ADD3: variants seen among roughly 807,000 people sequenced by gnomAD.
The protein encoded by ADD3 is gamma-adducin.
Under a neutral mutation model 80.2 loss-of-function variants are expected in ADD3, and 25 were observed. That is an observed-to-expected ratio of 0.31 (90% CI 0.23 to 0.44). The LOEUF is 0.44. Ranked by LOEUF, ADD3 falls within the 20% of genes least tolerant of loss-of-function variation. The pLI is 1.00. For synonymous variants in ADD3, 284 were observed against 289.6 expected (o/e 0.98, Z 0.20); for missense variants, 829 against 847.5 (o/e 0.98, Z 0.27).
upstream of ADD3, among the ~76,000 whole-genome samples, chr10:110,001,580 T>C (rs1486654349): frequency 6.6e-6 from 1 of 152,192 alleles, no homozygotes; most frequent in East Asian, 1.9e-4. Flanking sequence ...GTCTACACAG[T>C]GCATTGTTTC....
rs1249987737 is a variant in ADD3, at chr10:110,134,425, AT to A, written c.*808del. 1 of 152,596 alleles carries A rather than the reference AT, an allele frequency of 6.6e-6. No homozygotes were observed. The highest frequency in any genetic ancestry group is 1.5e-5 in the Non-Finnish European group (1 of 68,022). The allele number at this position is 152,596 out of a possible 1,614,324, so 9.5% of individuals were successfully genotyped here. ...TTAGCCAATCTTTTCACAGTAGAGCATACTTAAGGCTGCTTGGTACTGAGTA... is the reference window on the plus strand; with the variant it reads ...TTAGCCAATCTTTTCACAGTAGAGCAACTTAAGGCTGCTTGGTACTGAGTA... On this transcript the variant is annotated 3_prime_UTR_variant, in exon 15 of 15. Coordinates refer to ENST00000356080, the MANE Select transcript of ADD3 (RefSeq NM_016824.5).
At chr10:110,012,959 A>G (rs942713056) in intron 1 of ADD3, among the ~76,000 whole-genome samples, 3 of 152,094 alleles carry the variant, frequency 2.0e-5, no homozygotes, top group Non-Finnish European at 4.4e-5. Flanking sequence ...ACTGATCTGC[A>G]TCAGCACCAT....
chr10:110,064,253 T>C (rs979188990), intron 1 of ADD3, among the ~76,000 whole-genome samples: 1 of 152,200 alleles, frequency 6.6e-6, no homozygotes, highest in Non-Finnish European at 1.5e-5. Context: ...CTTTTGAGTG[T>C]ATTTCTGGGA....
intron 1 of ADD3, among the ~76,000 whole-genome samples, chr10:110,048,959 A>C (rs1246590550): frequency 6.6e-6 from 1 of 152,188 alleles, no homozygotes; most frequent in East Asian, 1.9e-4. Context: ...CCCTCCCATC[A>C]CAGGCCTGGA....
intron 1 of ADD3, among the ~76,000 whole-genome samples, chr10:110,045,729 A>G (rs554551812): frequency 2.0e-5 from 3 of 152,358 alleles, no homozygotes; most frequent in African/African-American, 7.2e-5. Flanking sequence ...CAAAACTTAC[A>G]CACACAAACA....
intron 1 of ADD3, among the ~76,000 whole-genome samples, chr10:110,062,812 A>T (rs1589937694): frequency 6.6e-6 from 1 of 152,338 alleles, no homozygotes; most frequent in East Asian, 1.9e-4. Context: ...AAACTATGAG[A>T]TAAAACAGTA....
intron 1 of ADD3, among the ~76,000 whole-genome samples, chr10:110,092,375 A>G (rs1424142152): frequency 6.6e-6 from 1 of 152,218 alleles, no homozygotes; most frequent in African/African-American, 2.4e-5. Context: ...ATACCTTCGA[A>G]TACTATGCAA....
At chr10:110,097,824 G>A (rs1284472255) in intron 1 of ADD3, among the ~76,000 whole-genome samples, 1 of 150,630 alleles carries the variant, frequency 6.6e-6, no homozygotes, top group Admixed American at 6.6e-5. Flanking sequence ...ACCCAGGCTG[G>A]AGTGCAGTGG....
chr10:110,111,382 G>T (rs1014797898), intron 2 of ADD3, among the ~76,000 whole-genome samples: 2 of 152,218 alleles, frequency 1.3e-5, no homozygotes, highest in African/African-American at 4.8e-5. Context: ...CTTAATAAGT[G>T]TTGGTTGGGT....
Position 110,133,441 on chromosome 10 carries a change from G to T in ADD3, c.1944G>T (p.Arg648Ser), listed in dbSNP as rs748409384. The T allele has an allele frequency of 1.2e-6, 2 of 1,613,752 alleles. No individual in the cohort carries two copies. Among genetic ancestry groups the T allele is most frequent in the African/African-American group, 2.7e-5 (2 of 74,894 alleles). ...ATGAGCTTGCTAAGCGAGTGAGTAG[G>T]TTAAGCACAAGTACAACCATAGAAA... ...VEDELAKRVS[R>S]LSTSTTIENI... The change falls in exon 15 of 15, where the codon AGG becomes AGT. Residue 648 changes from arginine (R) to serine (S), a missense_variant. By Grantham distance (110) the Arg-to-Ser change is moderately radical. Transcript: ENST00000356080.
intron 12 of ADD3, among the ~76,000 whole-genome samples, chr10:110,127,488 G>T (rs2134202869): frequency 6.6e-6 from 1 of 152,262 alleles, no homozygotes; most frequent in Admixed American, 6.5e-5. Context: ...GTGGTGGCGT[G>T]CACCTGTAGT....
intron 1 of ADD3, among the ~76,000 whole-genome samples, chr10:110,053,707 C>A (rs977684983): frequency 6.6e-6 from 1 of 151,908 alleles, no homozygotes; most frequent in Non-Finnish European, 1.5e-5. Context: ...GATTATTGTT[C>A]TCATCAATAG....
In ADD3 at chr10:110,125,875, A is replaced by C. The variant is rs138981928; in HGVS notation, c.1451A>C (p.Lys484Thr). The C allele has an allele frequency of 6.2e-7, 1 of 1,611,058 alleles. No homozygotes were observed. ...AAAGTTAGTGGTGGAACACCTATCA[A>C]AATTGAAGATCCAAATCAGTTTGTT... ...SSKVSGGTPI[K>T]IEDPNQFVPL... The change falls in exon 11 of 15, where the codon AAA becomes ACA. Residue 484 changes from lysine to threonine, a missense_variant. Physicochemically the swap from Lys to Thr is moderately conservative, Grantham distance 78. Coordinates refer to ENST00000356080, the MANE Select transcript of ADD3 (RefSeq NM_016824.5).
intron 1 of ADD3, among the ~76,000 whole-genome samples, chr10:110,069,230 A>G (rs186399613): frequency 6.6e-6 from 1 of 152,324 alleles, no homozygotes; most frequent in Non-Finnish European, 1.5e-5. Flanking sequence ...TCAGGTTGTC[A>G]TGATTGTATA....
At position 110,037,922 on chromosome 10, in the gene ADD3, C is replaced by G. The variant is rs116349413; in HGVS notation, c.-30+29623C>G. Reference sequence around the variant, plus strand: ...TCTCTACTAAAAAATAGAAAATTAGCTGGGTGTGTGGTGGCACATGCCTGT... The same window carrying G: ...TCTCTACTAAAAAATAGAAAATTAGGTGGGTGTGTGGTGGCACATGCCTGT... On this transcript the variant is annotated intron_variant, in intron 1 of 14. Transcript: ENST00000356080. Among the ~76,000 whole-genome samples the G allele has an allele frequency of 7.6e-3, 1,156 of 151,454 alleles. 9 individuals are homozygous for G. The highest frequency in any genetic ancestry group is 0.026 in the African/African-American group (1,067 of 41,320).
At chr10:110,063,783 A>ATATG (rs1491280257) in intron 1 of ADD3, among the ~76,000 whole-genome samples, 7 of 123,338 alleles carry the variant, frequency 5.7e-5, no homozygotes, top group African/African-American at 2.2e-4. Flanking sequence ...ATATATATAT[A>ATATG]AAGTGAACAC....
chr10:110,011,379 A>G (rs1246711443), intron 1 of ADD3, among the ~76,000 whole-genome samples: 1 of 152,238 alleles, frequency 6.6e-6, no homozygotes, highest in Non-Finnish European at 1.5e-5. Flanking sequence ...TTGATATGTC[A>G]AACAAATTAT....
intron 1 of ADD3, among the ~76,000 whole-genome samples, chr10:110,090,204 G>T (rs1330163538): frequency 6.7e-6 from 1 of 148,320 alleles, no homozygotes; most frequent in African/African-American, 2.5e-5. Context: ...GATATAACAA[G>T]CACCTACTTG....
At chr10:110,080,641 T>G (rs567907443) in intron 1 of ADD3, among the ~76,000 whole-genome samples, 4 of 152,222 alleles carry the variant, frequency 2.6e-5, no homozygotes, top group African/African-American at 9.6e-5. Flanking sequence ...TGTGAAGTTA[T>G]GTTTGTTTTT....
Sources: gnomAD v4.1 joint callset for allele counts (sites outside exome capture counted in the v4.1 genomes callset) on GRCh38, gnomAD v4.1.1 for gene constraint, MANE v1.5 for transcripts, NCBI Gene and HGNC (gene_info 2026-07-23, HGNC 2026-07-21) for gene names.